ESR1: variants seen among roughly 807,000 people sequenced by gnomAD.
ESR1 encodes the protein estrogen receptor 1.
Under a neutral mutation model 52.7 loss-of-function variants are expected in ESR1, and 12 were observed. That is an observed-to-expected ratio of 0.23 (90% CI 0.15 to 0.37). The LOEUF (loss-of-function observed/expected upper bound fraction) is 0.37, where lower values mean the gene tolerates loss of function less well. Among genes scored for constraint, ESR1 ranks in the 10% least tolerant of loss-of-function variants. The pLI is 1.00. For missense variants in ESR1, 584 were observed against 779.7 expected (o/e 0.75, Z 2.99); for synonymous variants, 305 against 316.8 (o/e 0.96, Z 0.39).
chr6:151,858,004 GATTA>G (rs1238650481), intron 2 of ESR1, among the ~76,000 whole-genome samples: 6 of 152,184 alleles, frequency 3.9e-5, no homozygotes, highest in Non-Finnish European at 4.4e-5. Context: ...TGCTGCAATT[GATTA>G]ATTATATACT....
At chr6:151,763,291 A>G (rs1784795659) in intron 2 of ESR1, among the ~76,000 whole-genome samples, 1 of 151,874 alleles carries the variant, frequency 6.6e-6, no homozygotes, top group South Asian at 2.1e-4. Flanking sequence ...TCCATATATA[A>G]TCACCTCTAG....
chr6:151,817,142 C>T (rs747033099), intron 1 of ESR1, among the ~76,000 whole-genome samples: 7 of 152,116 alleles, frequency 4.6e-5, no homozygotes, highest in African/African-American at 7.2e-5. Flanking sequence ...GTCTTTTTCA[C>T]GTTGGTTGGA....
At chr6:151,690,065 C>T (rs903905462), upstream of ESR1, among the ~76,000 whole-genome samples, 1 of 152,108 alleles carries the variant, frequency 6.6e-6, no homozygotes, top group Non-Finnish European at 1.5e-5. Flanking sequence ...CCTCATTAAT[C>T]GGTAACAAGA....
chr6:151,902,800 CGTTCA>C (rs1796887025), intron 3 of ESR1, among the ~76,000 whole-genome samples: 1 of 152,134 alleles, frequency 6.6e-6, no homozygotes, highest in Admixed American at 6.5e-5. Flanking sequence ...ATGAAAAGTA[CGTTCA>C]ATTTTTCCCA....
intron 3 of ESR1, among the ~76,000 whole-genome samples, chr6:151,896,447 T>C (rs1795519429): frequency 6.6e-6 from 1 of 152,198 alleles, no homozygotes; most frequent in African/African-American, 2.4e-5. Context: ...TACCTATCTC[T>C]TCTAGGTTTT....
intron 1 of ESR1, among the ~76,000 whole-genome samples, chr6:151,692,209 A>G (rs1465193838): frequency 6.6e-6 from 1 of 152,166 alleles, no homozygotes; most frequent in Non-Finnish European, 1.5e-5. Context: ...TTTTTGTTCA[A>G]TATTGGGTTT....
intron 1 of ESR1, among the ~76,000 whole-genome samples, chr6:151,699,952 A>C (rs1210662839): frequency 6.6e-6 from 1 of 152,090 alleles, no homozygotes; most frequent in Non-Finnish European, 1.5e-5. Context: ...ATGTGGACTG[A>C]AAATAGGATA....
At chr6:151,857,104 G>T (rs1268962379) in intron 2 of ESR1, among the ~76,000 whole-genome samples, 1 of 152,072 alleles carries the variant, frequency 6.6e-6, no homozygotes, top group Non-Finnish European at 1.5e-5. Context: ...CCATACATAA[G>T]TACAGTCCAC....
At chr6:152,115,167 T>A (rs1263537197) in intron 6 of ESR1, among the ~76,000 whole-genome samples, 1 of 152,160 alleles carries the variant, frequency 6.6e-6, no homozygotes, top group Non-Finnish European at 1.5e-5. Flanking sequence ...CCCTACAAAA[T>A]GGAATCATAT....
chr6:152,054,228 A>G (rs1204443040), intron 5 of ESR1, among the ~76,000 whole-genome samples: 2 of 152,114 alleles, frequency 1.3e-5, no homozygotes, highest in South Asian at 2.1e-4. Flanking sequence ...TCCCTTAAAG[A>G]TGAAATTCAG....
At chr6:151,974,292 A>G (rs1218509246) in intron 4 of ESR1, among the ~76,000 whole-genome samples, 1 of 152,184 alleles carries the variant, frequency 6.6e-6, no homozygotes, top group Non-Finnish European at 1.5e-5. Context: ...TGTGTCAGGC[A>G]CTTGGCTAAG....
chr6:151,787,280 G>T (rs1031570924), intron 2 of ESR1, among the ~76,000 whole-genome samples: 1 of 152,148 alleles, frequency 6.6e-6, no homozygotes, highest in Non-Finnish European at 1.5e-5. Context: ...ATAACATGAT[G>T]CTTCCAGCTT....
At chr6:151,674,805 C>T (rs1299820193) in intron 1 of ESR1, among the ~76,000 whole-genome samples, 1 of 152,178 alleles carries the variant, frequency 6.6e-6, no homozygotes, top group Non-Finnish European at 1.5e-5. Context: ...GTTGCAGTTC[C>T]ATTCTGCCTA....
intron 3 of ESR1, among the ~76,000 whole-genome samples, chr6:151,918,546 A>G (rs1436034188): frequency 6.6e-6 from 1 of 152,236 alleles, no homozygotes; most frequent in Non-Finnish European, 1.5e-5. Flanking sequence ...ATGGTTACCC[A>G]TAAATATGCT....
chr6:151,690,520 C>T (rs1778861377), exon 1 of ESR1: 1 of 152,164 alleles, frequency 6.6e-6, no homozygotes, highest in Non-Finnish European at 1.5e-5. Flanking sequence ...CTCCTGTCTA[C>T]CGACTCAGAA....
intron 1 of ESR1, among the ~76,000 whole-genome samples, chr6:151,669,893 A>G (rs1777987624): frequency 6.6e-6 from 1 of 152,200 alleles, no homozygotes; most frequent in African/African-American, 2.4e-5. Context: ...GGAGAAGGAC[A>G]CATGGGAGAG....
At chr6:152,008,236 T>A (rs2042488557) in intron 4 of ESR1, among the ~76,000 whole-genome samples, 1 of 152,060 alleles carries the variant, frequency 6.6e-6, no homozygotes, top group African/African-American at 2.4e-5. Context: ...TCCTGCACAC[T>A]CTCTCCCAAC....
chr6:151,769,751 G>A (rs1289550297), intron 2 of ESR1, among the ~76,000 whole-genome samples: 1 of 152,156 alleles, frequency 6.6e-6, no homozygotes, highest in African/African-American at 2.4e-5. Context: ...ATTTATTTAT[G>A]TTTCCATTCC....
chr6:151,885,062 A>G (rs117125301), intron 3 of ESR1, among the ~76,000 whole-genome samples: 2 of 152,278 alleles, frequency 1.3e-5, no homozygotes, highest in East Asian at 3.9e-4. Flanking sequence ...CCGATCTTGC[A>G]TGAAACAAGT....
Sources: allele counts gnomAD v4.1 joint callset (sites outside exome capture counted in the v4.1 genomes callset), GRCh38; gene constraint gnomAD v4.1.1; transcripts MANE v1.5; gene names NCBI Gene and HGNC (gene_info 2026-07-23, HGNC 2026-07-21).